The following ITGAM variants were observed in gnomAD, a reference collection of about 807,000 sequenced individuals.
The protein encoded by ITGAM is integrin subunit alpha M, also known as integrin alpha-M.
A neutral mutation model predicts 137.5 loss-of-function variants in ITGAM; 79 were observed. The observed-to-expected ratio is 0.57, with a 90% CI of 0.48 to 0.69. The LOEUF (loss-of-function observed/expected upper bound fraction) is 0.69, where lower values mean the gene tolerates loss of function less well. ITGAM is among the 30% of genes least tolerant of loss of function. The pLI is 0.00. For missense variants in ITGAM, 1,343 were observed against 1,483.5 expected (o/e 0.91, Z 1.56); for synonymous variants, 583 against 592.3 (o/e 0.98, Z 0.23).
At chr16:31,275,985 C>A (rs932761774) in intron 9 of ITGAM, among the ~76,000 whole-genome samples, 5 of 152,184 alleles carry the variant, frequency 3.3e-5, no homozygotes, top group African/African-American at 1.2e-4. Flanking sequence ...GATGTGTTGC[C>A]AGCTGTCGTC....
At chr16:31,274,705 C>T (rs1055705188) in intron 8 of ITGAM, among the ~76,000 whole-genome samples, 1 of 152,118 alleles carries the variant, frequency 6.6e-6, no homozygotes, top group Non-Finnish European at 1.5e-5. Context: ...ACCTCCACCT[C>T]CTGGGTTCAA....
At chr16:31,264,302 C>T (rs137857345) in intron 2 of ITGAM, among the ~76,000 whole-genome samples, 9,588 of 151,910 alleles carry the variant, frequency 0.063, 1,019 homozygotes, top group African/African-American at 0.22. Flanking sequence ...CACAAATTAG[C>T]CAAGCATGGT....
At chr16:31,313,101 C>T (rs1253199873) in intron 14 of ITGAM, among the ~76,000 whole-genome samples, 2 of 151,958 alleles carry the variant, frequency 1.3e-5, no homozygotes, top group Non-Finnish European at 2.9e-5. Context: ...GCCTGTAATC[C>T]CAGCTACTTG....
At chr16:31,289,729 C>T (rs2080066839) in intron 12 of ITGAM, among the ~76,000 whole-genome samples, 1 of 152,162 alleles carries the variant, frequency 6.6e-6, no homozygotes, top group Non-Finnish European at 1.5e-5. Context: ...ACGTTGTGCA[C>T]ATGTACCCTA....
At chr16:31,269,591 TAA>T (rs2079806345) in intron 5 of ITGAM, among the ~76,000 whole-genome samples, 1 of 152,110 alleles carries the variant, frequency 6.6e-6, no homozygotes, top group Admixed American at 6.6e-5. Flanking sequence ...GCGGTTTCAG[TAA>T]GATTTATTTA....
chr16:31,331,235 G>T lies in ITGAM; in HGVS notation c.3347G>T (p.Gly1116Val). 1 of 1,613,242 alleles carries T rather than the reference G, an allele frequency of 6.2e-7. No individual in the cohort carries two copies. Among genetic ancestry groups the T allele is most frequent in the Non-Finnish European group, 8.5e-7 (1 of 1,179,622 alleles). Residue 1116 changes from glycine (G) to valine (V), a missense_variant, in exon 29 of 30, where the codon GGA (glycine) becomes GTA (valine). By Grantham distance (109) the Gly-to-Val change is moderately radical. Transcript: ENST00000544665. ...LPLIVGSSVG[G>V]LLLLALITAA... ...CTCATCGTGGGCAGCTCTGTCGGGG[G>T]ACTGCTGCTCCTGGCCCTCATCACC...
At chr16:31,298,959 C>T (rs984685304) in intron 14 of ITGAM, among the ~76,000 whole-genome samples, 2 of 152,176 alleles carry the variant, frequency 1.3e-5, no homozygotes, top group African/African-American at 4.8e-5. Context: ...GGGACCCTTA[C>T]AGTCTGGTTC....
intron 12 of ITGAM, among the ~76,000 whole-genome samples, chr16:31,287,362 T>G (rs1300425474): frequency 6.6e-6 from 1 of 152,206 alleles, no homozygotes; most frequent in Admixed American, 6.6e-5. Flanking sequence ...GCTCTTTTTT[T>G]GTTCCGTATT....
intron 7 of ITGAM, 34 bp from the exon 8 acceptor site, chr16:31,273,331 G>A: frequency 6.4e-7 from 1 of 1,563,192 alleles, no homozygotes; most frequent in East Asian, 2.3e-5. Context: ...TCATCTACTT[G>A]CATTTGACTT....
chr16:31,264,936 C>T (rs1293242598), intron 2 of ITGAM, among the ~76,000 whole-genome samples: 1 of 152,112 alleles, frequency 6.6e-6, no homozygotes, highest in East Asian at 1.9e-4. Context: ...GGTGCTATCT[C>T]GGCTCACTGC....
At chr16:31,322,405 T>C (rs983907155) in intron 16 of ITGAM, among the ~76,000 whole-genome samples, 1 of 152,192 alleles carries the variant, frequency 6.6e-6, no homozygotes, top group African/African-American at 2.4e-5. Flanking sequence ...GAGTAGGGAA[T>C]TGAAGAAGAG....
At chr16:31,304,233 T>C (rs976232275) in intron 14 of ITGAM, among the ~76,000 whole-genome samples, 1 of 152,224 alleles carries the variant, frequency 6.6e-6, no homozygotes, top group East Asian at 1.9e-4. Flanking sequence ...AGCATTTTTT[T>C]CATATGTTTA....
intron 5 of ITGAM, among the ~76,000 whole-genome samples, chr16:31,266,550 C>T (rs868387467): frequency 2.0e-5 from 3 of 148,784 alleles, no homozygotes; most frequent in South Asian, 2.1e-4. Context: ...GGGAGATCCC[C>T]GTCTCTACAA....
chr16:31,271,123 G>A (rs1349683705), intron 6 of ITGAM, 39 bp downstream of exon 6: 1 of 1,439,236 alleles, frequency 6.9e-7, no homozygotes, highest in South Asian at 1.6e-5. Context: ...AGCCCACACG[G>A]GGCTGGAAGA....
rs746372791 is a variant in ITGAM at position 31,321,317 on chromosome 16, T to C, written c.1784T>C (p.Met595Thr). 2 of 1,614,034 alleles carry C rather than the reference T, an allele frequency of 1.2e-6. No homozygotes were observed. The highest frequency in any genetic ancestry group is 2.2e-5 in the East Asian group (1 of 44,882). Residue 595 changes from methionine (M) to threonine (T), a missense_variant, in exon 15 of 30, where the codon ATG becomes ACG. Met to Thr is a moderately conservative substitution (Grantham distance 81). Coordinates refer to ENST00000544665, the MANE Select transcript of ITGAM (RefSeq NM_000632.4). The part of the protein sequence containing the change: ...QSLSGGQDLT[M>T]DGLVDLTVGA... ...CTGAGTGGGGGCCAGGACCTCACAA[T>C]GGATGGACTGGTAGACCTGACTGTA... is the stretch of plus-strand genomic sequence containing the variant.
intron 14 of ITGAM, among the ~76,000 whole-genome samples, chr16:31,298,371 A>G (rs1236506123): frequency 6.6e-6 from 1 of 152,140 alleles, no homozygotes; most frequent in Non-Finnish European, 1.5e-5. Context: ...ACAGAGTCAG[A>G]CTTGCACATG....
intron 23 of ITGAM, among the ~76,000 whole-genome samples, chr16:31,328,772 G>A (rs571291408): frequency 0.052 from 7,103 of 136,862 alleles, 613 homozygotes; most frequent in African/African-American, 0.19. Context: ...ATGCGTGTGC[G>A]CATGGGTGTG....
At chr16:31,270,758 G>T (rs2079829917) in intron 5 of ITGAM, among the ~76,000 whole-genome samples, 196 bp from the exon 6 acceptor site, 2 of 106,328 alleles carry the variant, frequency 1.9e-5, no homozygotes, top group African/African-American at 7.2e-5. Flanking sequence ...TTTAACGTGT[G>T]TATACATATA....
intron 12 of ITGAM, among the ~76,000 whole-genome samples, chr16:31,279,763 T>C (rs1596989284): frequency 1.3e-5 from 2 of 152,252 alleles, no homozygotes; most frequent in South Asian, 4.1e-4. Flanking sequence ...TTTGTCAATA[T>C]TGGCTTTTGT....
Sources: gnomAD v4.1 joint callset for allele counts (sites outside exome capture counted in the v4.1 genomes callset) on GRCh38, gnomAD v4.1.1 for gene constraint, MANE v1.5 for transcripts, NCBI Gene and HGNC (gene_info 2026-07-23, HGNC 2026-07-21) for gene names.